KCTD8: variants seen among roughly 807,000 people sequenced by gnomAD.
KCTD8 encodes potassium channel tetramerization domain containing 8, also known as BTB/POZ domain-containing protein KCTD8.
KCTD8 carries 27 observed loss-of-function variants against 31.5 expected under a neutral mutation model. The observed-to-expected ratio is 0.86, with a 90% CI of 0.63 to 1.18. The LOEUF is 1.18. KCTD8 is among the 50% of genes most tolerant of loss of function. The pLI is 0.00. For synonymous variants in KCTD8, 290 were observed against 280.0 expected, an observed-to-expected ratio of 1.04 and a Z score of -0.36; for missense variants, 658 against 647.7, an observed-to-expected ratio of 1.02 and a Z score of -0.17.
At chr4:44,356,116 C>T (rs1301786340) in intron 1 of KCTD8, among the ~76,000 whole-genome samples, 2 of 152,192 alleles carry the variant, frequency 1.3e-5, no homozygotes, top group African/African-American at 2.4e-5. Context: ...TTCTTCCTAA[C>T]TTACTCCTCA....
intron 1 of KCTD8, among the ~76,000 whole-genome samples, chr4:44,206,119 T>C (rs1230365466): frequency 6.7e-6 from 1 of 149,984 alleles, no homozygotes; most frequent in African/African-American, 2.5e-5. Context: ...TAAATATGTA[T>C]GCATTCTTGG....
At chr4:44,386,671 T>C (rs879389123) in intron 1 of KCTD8, among the ~76,000 whole-genome samples, 2 of 151,512 alleles carry the variant, frequency 1.3e-5, no homozygotes, top group African/African-American at 4.8e-5. Flanking sequence ...GTATAACCAC[T>C]AGGGAGAACA....
chr4:44,352,551 A>G (rs1719230222), intron 1 of KCTD8, among the ~76,000 whole-genome samples: 1 of 147,546 alleles, frequency 6.8e-6, no homozygotes, highest in Non-Finnish European at 1.5e-5. Context: ...ATTTTTGTAT[A>G]TTATATATTA....
At chr4:44,405,316 G>A (rs1720766354) in intron 1 of KCTD8, among the ~76,000 whole-genome samples, 1 of 152,038 alleles carries the variant, frequency 6.6e-6, no homozygotes, top group Non-Finnish European at 1.5e-5. Flanking sequence ...GGAGTGTAGT[G>A]GCATGATCTC....
chr4:44,246,951 C>T (rs984972622), intron 1 of KCTD8, among the ~76,000 whole-genome samples: 3 of 151,980 alleles, frequency 2.0e-5, no homozygotes, highest in African/African-American at 7.2e-5. Flanking sequence ...TAACGATGTT[C>T]CACAGGATTG....
At chr4:44,209,252 G>A (rs1714408161) in intron 1 of KCTD8, among the ~76,000 whole-genome samples, 1 of 152,004 alleles carries the variant, frequency 6.6e-6, no homozygotes, top group East Asian at 1.9e-4. Context: ...GTGATGGGTT[G>A]GAGCACTTAA....
intron 1 of KCTD8, among the ~76,000 whole-genome samples, chr4:44,277,514 A>C (rs1018222524): frequency 1.3e-5 from 2 of 151,794 alleles, no homozygotes; most frequent in African/African-American, 4.8e-5. Context: ...TGCAAAAAAC[A>C]GCTACACGGA....
At chr4:44,334,947 T>G (rs1197681801) in intron 1 of KCTD8, among the ~76,000 whole-genome samples, 1 of 152,080 alleles carries the variant, frequency 6.6e-6, no homozygotes, top group East Asian at 1.9e-4. Context: ...TCACACATAG[T>G]TGGCAAATTC....
intron 1 of KCTD8, among the ~76,000 whole-genome samples, chr4:44,361,188 C>T (rs995452608): frequency 6.8e-6 from 1 of 147,796 alleles, no homozygotes; most frequent in East Asian, 2.2e-4. Context: ...ACAGGAGAGG[C>T]TATAAAATCA....
At chr4:44,350,844 T>A (rs187064769) in intron 1 of KCTD8, among the ~76,000 whole-genome samples, 1 of 152,258 alleles carries the variant, frequency 6.6e-6, no homozygotes, top group Non-Finnish European at 1.5e-5. Flanking sequence ...GAAAGGGCTG[T>A]CAATACCTAC....
intron 1 of KCTD8, among the ~76,000 whole-genome samples, chr4:44,252,903 T>C (rs1715883872): frequency 1.3e-5 from 2 of 151,570 alleles, no homozygotes; most frequent in Non-Finnish European, 1.5e-5. Context: ...ATATATGGAG[T>C]GACAGTTTGA....
chr4:44,274,201 T>C (rs2109374355), intron 1 of KCTD8, among the ~76,000 whole-genome samples: 1 of 151,970 alleles, frequency 6.6e-6, no homozygotes, highest in East Asian at 1.9e-4. Flanking sequence ...GCTTCCCTCC[T>C]TGGAATAATT....
chr4:44,282,102 T>C (rs1215413617), intron 1 of KCTD8, among the ~76,000 whole-genome samples: 1 of 152,126 alleles, frequency 6.6e-6, no homozygotes, highest in Non-Finnish European at 1.5e-5. Flanking sequence ...CTTGTCTTAC[T>C]GTGCTTTACT....
intron 1 of KCTD8, among the ~76,000 whole-genome samples, chr4:44,201,611 A>G (rs778567073): frequency 4.6e-5 from 7 of 152,146 alleles, no homozygotes; most frequent in Non-Finnish European, 8.8e-5. Context: ...ATGGAGAATT[A>G]CATTGGACTC....
chr4:44,176,225 G>C (rs1022594288), intron 1 of KCTD8, among the ~76,000 whole-genome samples: 3 of 152,174 alleles, frequency 2.0e-5, no homozygotes, highest in Admixed American at 1.3e-4. Context: ...TCAGAATCAG[G>C]AGGAAGGCAT....
intron 1 of KCTD8, among the ~76,000 whole-genome samples, chr4:44,196,078 A>G (rs1157020953): frequency 6.6e-6 from 1 of 152,256 alleles, no homozygotes; most frequent in Non-Finnish European, 1.5e-5. Flanking sequence ...AGCCCTCTAG[A>G]GGCCACATCC....
At chr4:44,181,478 C>A (rs1240988961) in intron 1 of KCTD8, among the ~76,000 whole-genome samples, 1 of 152,222 alleles carries the variant, frequency 6.6e-6, no homozygotes, top group Non-Finnish European at 1.5e-5. Flanking sequence ...CAGCTCCTAA[C>A]CGCGAGTGAT....
chr4:44,337,266 T>A (rs1718773416), intron 1 of KCTD8, among the ~76,000 whole-genome samples: 1 of 152,172 alleles, frequency 6.6e-6, no homozygotes, highest in South Asian at 2.1e-4. Context: ...CAATTTTAAA[T>A]GGTCAAACCT....
intron 1 of KCTD8, among the ~76,000 whole-genome samples, chr4:44,423,132 C>T (rs1253467810): frequency 1.3e-5 from 2 of 152,084 alleles, no homozygotes; most frequent in African/African-American, 4.8e-5. Context: ...GAATGTGCTA[C>T]TAGCATCTGT....
Sources: gnomAD v4.1 joint callset for allele counts (sites outside exome capture counted in the v4.1 genomes callset) on GRCh38, gnomAD v4.1.1 for gene constraint, MANE v1.5 for transcripts, NCBI Gene and HGNC (gene_info 2026-07-23, HGNC 2026-07-21) for gene names.